Variants in ANXA2 observed in about 807,000 individuals in gnomAD.
ANXA2 encodes annexin A2.
In ANXA2, 28 loss-of-function variants were observed where a neutral mutation model predicts 47.3. The ratio of observed to expected loss-of-function variants is 0.59; its 90% CI spans 0.44 to 0.81. ANXA2 has a LOEUF of 0.81. Among genes scored for constraint, ANXA2 ranks in the 40% least tolerant of loss-of-function variants. The probability of loss-of-function intolerance (pLI) is 0.00; values close to 1 mark genes in which losing one functional copy is unlikely to be tolerated. For missense variants in ANXA2, 384 were observed against 414.3 expected (o/e 0.93, Z 0.64); for synonymous variants, 172 against 155.5 (o/e 1.11, Z -0.79).
chr15:60,393,589 G>A (rs987137286), intron 1 of ANXA2: 10 of 985,116 alleles, frequency 1.0e-5, no homozygotes, highest in African/African-American at 7.0e-5. Context: ...CTCCAAACAC[G>A]CTCAGCACTT....
At chr15:60,379,791 C>T (rs537214047) in intron 3 of ANXA2, among the ~76,000 whole-genome samples, 227 of 152,268 alleles carry the variant, frequency 1.5e-3, no homozygotes, top group African/African-American at 5.2e-3. Context: ...ACTGGAATGT[C>T]GGAATCTAAA....
At chr15:60,393,001 T>C (rs1418254070) in intron 1 of ANXA2, 2 of 1,267,318 alleles carry the variant, frequency 1.6e-6, no homozygotes. Flanking sequence ...CTGTACTCCA[T>C]CCTCCACCCA....
chr15:60,380,162 G>A (rs184173900), intron 3 of ANXA2, among the ~76,000 whole-genome samples: 1 of 152,202 alleles, frequency 6.6e-6, no homozygotes, highest in African/African-American at 2.4e-5. Context: ...GCTTGTACGT[G>A]TGTGTGTTTT....
intron 4 of ANXA2, 83 bp downstream of exon 4, chr15:60,364,346 C>T: frequency 9.1e-7 from 1 of 1,104,532 alleles, no homozygotes; most frequent in Non-Finnish European, 1.3e-6. Flanking sequence ...GCATGAGAGC[C>T]ACAATTCATG....
At chr15:60,373,548 CTG>C (rs1193360362) in intron 3 of ANXA2, among the ~76,000 whole-genome samples, 1 of 152,208 alleles carries the variant, frequency 6.6e-6, no homozygotes, top group African/African-American at 2.4e-5. Flanking sequence ...CAAGCGAGCA[CTG>C]TGTCTCCAGA....
In ANXA2 at chr15:60,357,145, C is replaced by T. The variant is rs1308935198; in HGVS notation, c.448+1G>A. On this transcript the variant is annotated splice_donor_variant, in intron 6 of 12. Coordinates refer to ENST00000451270, the MANE Select transcript of ANXA2 (RefSeq NM_004039.3). LOFTEE classifies it high-confidence loss of function. ...TGAATCACAGAAATCAAGCTACTCA[C>T]TTTCCTTGTAGACTCTGTTAATTTC... is the stretch of plus-strand genomic sequence containing the variant. 2 of 1,613,706 alleles carry T rather than the reference C, an allele frequency of 1.2e-6. No homozygotes were observed. The highest frequency in any genetic ancestry group is 3.3e-5 in the Admixed American group (2 of 60,018).
chr15:60,379,176 G>A (rs991275495), intron 3 of ANXA2, among the ~76,000 whole-genome samples: 2 of 151,788 alleles, frequency 1.3e-5, no homozygotes, highest in Non-Finnish European at 2.9e-5. Flanking sequence ...CTACTCGGGA[G>A]GCTGAGGCAG....
Position 60,386,103 on chromosome 15 carries a change from A to G in ANXA2, c.-11-17T>C. The G allele has an allele frequency of 6.3e-7, 1 of 1,590,460 alleles. No homozygotes were observed. The highest frequency in any genetic ancestry group is 8.6e-7 in the Non-Finnish European group (1 of 1,160,584). On this transcript the variant is annotated splice_polypyrimidine_tract_variant and intron_variant, in intron 1 of 12. Coordinates refer to ENST00000451270, the MANE Select transcript of ANXA2 (RefSeq NM_004039.3). ...TGAAGGAAGCTGGAAAAAAAGTACA[A>G]CAAAAAGTCTTTATGAAGAGGCTCT...
chr15:60,383,645 G>C (rs1490676946), intron 2 of ANXA2: 1 of 152,252 alleles, frequency 6.6e-6, no homozygotes, highest in African/African-American at 2.4e-5. Context: ...TGTGGTTGTG[G>C]TTGGCTGATG....
intron 1 of ANXA2, chr15:60,393,760 TAA>T: frequency 1.0e-5 from 9 of 889,360 alleles, no homozygotes; most frequent in Non-Finnish European, 1.1e-5. Context: ...GTTACATGTG[TAA>T]AGTCTGTCTT....
At chr15:60,351,122 G>A in intron 11 of ANXA2, 71 bp downstream of exon 11, 5 of 1,511,948 alleles carry the variant, frequency 3.3e-6, no homozygotes, top group Non-Finnish European at 4.6e-6. Flanking sequence ...GAATCAAGGA[G>A]ACTCAATTTG....
chr15:60,376,691 C>T (rs908438451), intron 3 of ANXA2, among the ~76,000 whole-genome samples: 3 of 152,174 alleles, frequency 2.0e-5, no homozygotes, highest in Non-Finnish European at 4.4e-5. Context: ...ACTGACAGTT[C>T]GTCTGTGAGA....
At chr15:60,349,708 CAG>C (rs1326116879) in intron 11 of ANXA2, among the ~76,000 whole-genome samples, 4 of 124,478 alleles carry the variant, frequency 3.2e-5, no homozygotes, top group African/African-American at 9.2e-5. Flanking sequence ...AAAGGAAAGA[CAG>C]AGAGAGAGAG....
chr15:60,360,841 G>C (rs2062501586), intron 5 of ANXA2, 100 bp downstream of exon 5: 1 of 763,764 alleles, frequency 1.3e-6, no homozygotes, highest in East Asian at 2.6e-5. Context: ...TTCCAAATGA[G>C]AATTCAACAA....
chr15:60,387,301 G>A (rs1023023717), intron 1 of ANXA2, among the ~76,000 whole-genome samples: 6 of 152,120 alleles, frequency 3.9e-5, no homozygotes, highest in East Asian at 1.9e-4. Flanking sequence ...TATGCACAGC[G>A]AAAAGTCAGT....
intron 1 of ANXA2, among the ~76,000 whole-genome samples, chr15:60,388,982 T>A (rs2062971660): frequency 6.6e-6 from 1 of 151,942 alleles, no homozygotes; most frequent in African/African-American, 2.4e-5. Flanking sequence ...AAGAAATCTC[T>A]AACTTCAACA....
At chr15:60,358,990 C>T (rs1422829172) in intron 5 of ANXA2, among the ~76,000 whole-genome samples, 1 of 152,190 alleles carries the variant, frequency 6.6e-6, no homozygotes, top group African/African-American at 2.4e-5. Context: ...CCAAACTCTC[C>T]ACAGACTGTC....
chr15:60,395,810 A>G (rs1235667099), intron 1 of ANXA2: 1 of 152,194 alleles, frequency 6.6e-6, no homozygotes, highest in African/African-American at 2.4e-5. Context: ...CAAAATCTAA[A>G]CGGTCTCCAA....
chr15:60,358,027 T>C (rs559646590), intron 5 of ANXA2, among the ~76,000 whole-genome samples: 1 of 152,342 alleles, frequency 6.6e-6, no homozygotes, highest in Admixed American at 6.5e-5. Flanking sequence ...GCCAGCATTG[T>C]TAGAGTAAGT....
Sources: allele counts gnomAD v4.1 joint callset (sites outside exome capture counted in the v4.1 genomes callset), GRCh38; gene constraint gnomAD v4.1.1; transcripts MANE v1.5; gene names NCBI Gene and HGNC (gene_info 2026-07-23, HGNC 2026-07-21).